Variants in ENTPD1 observed in about 807,000 individuals in gnomAD.
The protein encoded by ENTPD1 is ATP diphosphohydrolase.
Under a neutral mutation model 57.0 loss-of-function variants are expected in ENTPD1, and 33 were observed. That is an observed-to-expected ratio of 0.58 (90% CI 0.44 to 0.77). The LOEUF (loss-of-function observed/expected upper bound fraction) is 0.77, where lower values mean the gene tolerates loss of function less well. Among genes scored for constraint, ENTPD1 ranks in the 30% least tolerant of loss-of-function variants. ENTPD1 has a pLI of 0.00. For missense variants in ENTPD1, 501 were observed against 603.4 expected (o/e 0.83, Z 1.78); for synonymous variants, 202 against 218.8 (o/e 0.92, Z 0.68).
chr10:95,865,191 C>G (rs1300747149), intron 9 of ENTPD1, among the ~76,000 whole-genome samples: 1 of 152,180 alleles, frequency 6.6e-6, no homozygotes. Flanking sequence ...GTGCTGACTT[C>G]AGCAGCCCTC....
intron 9 of ENTPD1, 120 bp from the exon 10 acceptor site, chr10:95,866,057 G>A (rs1407294628): frequency 4.4e-6 from 6 of 1,375,556 alleles, no homozygotes; most frequent in Non-Finnish European, 4.0e-6. Context: ...GAGCCACTGT[G>A]CCCAGCCAGT....
At chr10:95,777,264 G>C (rs982273771) in intron 1 of ENTPD1, among the ~76,000 whole-genome samples, 1 of 152,138 alleles carries the variant, frequency 6.6e-6, no homozygotes, top group African/African-American at 2.4e-5. Context: ...CCATCTTTGT[G>C]GTTTTAATCT....
At chr10:95,752,121 C>G (rs1224048992), upstream of ENTPD1, among the ~76,000 whole-genome samples, 1 of 151,982 alleles carries the variant, frequency 6.6e-6, no homozygotes, top group Non-Finnish European at 1.5e-5. Flanking sequence ...TACATAGATC[C>G]AAGAAGATAA....
intron 7 of ENTPD1, among the ~76,000 whole-genome samples, chr10:95,852,465 T>C (rs908605193): frequency 1.3e-5 from 2 of 152,262 alleles, no homozygotes; most frequent in African/African-American, 4.8e-5. Flanking sequence ...TTGGCTTTTG[T>C]TGCCATTGCT....
intron 1 of ENTPD1, among the ~76,000 whole-genome samples, chr10:95,784,517 G>T (rs2098170874): frequency 6.6e-6 from 1 of 152,182 alleles, no homozygotes; most frequent in Non-Finnish European, 1.5e-5. Flanking sequence ...AACTCAGGCT[G>T]TGTTTCCTAG....
At chr10:95,762,737 G>T (rs916378209) in intron 1 of ENTPD1, among the ~76,000 whole-genome samples, 1 of 152,124 alleles carries the variant, frequency 6.6e-6, no homozygotes, top group African/African-American at 2.4e-5. Context: ...ATTGAAACTT[G>T]TTAATGTTTT....
intron 7 of ENTPD1, among the ~76,000 whole-genome samples, chr10:95,854,023 G>A (rs1055719903): frequency 3.9e-5 from 6 of 152,146 alleles, no homozygotes; most frequent in African/African-American, 1.4e-4. Context: ...GCTTCTCCTT[G>A]TATCTCTGGT....
At chr10:95,756,127 G>T, upstream of ENTPD1, 1 of 1,547,578 alleles carries the variant, frequency 6.5e-7, no homozygotes, top group African/African-American at 1.4e-5. Flanking sequence ...GAGCCCAAGG[G>T]TCTGTTATAT....
At chr10:95,801,939 T>C (rs1419306793) in intron 1 of ENTPD1, among the ~76,000 whole-genome samples, 1 of 152,236 alleles carries the variant, frequency 6.6e-6, no homozygotes, top group African/African-American at 2.4e-5. Flanking sequence ...ATTTTAATGA[T>C]ATGGATTCTT....
chr10:95,818,919 A>G (rs1286103384), intron 1 of ENTPD1, among the ~76,000 whole-genome samples: 5 of 152,218 alleles, frequency 3.3e-5, no homozygotes, highest in Admixed American at 6.5e-5. Flanking sequence ...TTTGTTCTCT[A>G]TATGACAAGA....
chr10:95,821,465 CCT>C (rs2098350807), intron 1 of ENTPD1, among the ~76,000 whole-genome samples: 1 of 152,178 alleles, frequency 6.6e-6, no homozygotes, highest in Admixed American at 6.5e-5. Flanking sequence ...CAGAAGACTT[CCT>C]CCACGGTCAC....
chr10:95,800,322 G>A (rs944292114), intron 1 of ENTPD1, among the ~76,000 whole-genome samples: 3 of 152,128 alleles, frequency 2.0e-5, no homozygotes, highest in African/African-American at 7.2e-5. Flanking sequence ...AAAGGGGAGG[G>A]GGTGTATGAA....
chr10:95,790,478 T>G (rs1167667594), intron 1 of ENTPD1, among the ~76,000 whole-genome samples: 1 of 152,198 alleles, frequency 6.6e-6, no homozygotes, highest in Non-Finnish European at 1.5e-5. Flanking sequence ...AACTGAAGTT[T>G]ATTTCATCAA....
At chr10:95,856,651 C>CATATATATAT (rs66753059) in intron 7 of ENTPD1, among the ~76,000 whole-genome samples, 16 of 142,210 alleles carry the variant, frequency 1.1e-4, no homozygotes, top group African/African-American at 3.9e-4. Context: ...TATATGTATG[C>CATATATATAT]ATATATATAT....
At chr10:95,698,130 C>A in the ENTPD1 span, among the ~76,000 whole-genome samples, 1 of 152,094 alleles carries the variant, frequency 6.6e-6, no homozygotes, top group African/African-American at 2.4e-5. Flanking sequence ...TGAGATGGAA[C>A]TGAGGAAGGT....
intron 8 of ENTPD1, among the ~76,000 whole-genome samples, chr10:95,864,183 G>A (rs557817610): frequency 6.6e-6 from 1 of 152,340 alleles, no homozygotes; most frequent in African/African-American, 2.4e-5. Context: ...TGCCTAAACT[G>A]TGTCCACAGC....
chr10:95,706,078 G>A, the ENTPD1 span, among the ~76,000 whole-genome samples: 1 of 152,216 alleles, frequency 6.6e-6, no homozygotes, highest in Non-Finnish European at 1.5e-5. Flanking sequence ...CTGCCTGGGT[G>A]AGTGAGTGAG....
At chr10:95,749,903 C>G (rs970693498) in intron 1 of ENTPD1, among the ~76,000 whole-genome samples, 1 of 152,016 alleles carries the variant, frequency 6.6e-6, no homozygotes, top group African/African-American at 2.4e-5. Context: ...TGAAAATAGG[C>G]TGAAGAGTTT....
upstream of ENTPD1, among the ~76,000 whole-genome samples, chr10:95,709,361 A>AT (rs112054798): frequency 4.0e-4 from 60 of 148,992 alleles, no homozygotes; most frequent in African/African-American, 1.2e-3. Context: ...TCTTTTCCTT[A>AT]TTTTTTTTTT....
Sources: allele counts gnomAD v4.1 joint callset (sites outside exome capture counted in the v4.1 genomes callset), GRCh38; gene constraint gnomAD v4.1.1; transcripts MANE v1.5; gene names NCBI Gene and HGNC (gene_info 2026-07-23, HGNC 2026-07-21).